NOP58: variants seen among roughly 807,000 people sequenced by gnomAD.
NOP58 encodes the protein NOP58 ribonucleoprotein, also known as nucleolar protein 58.
NOP58 carries 44 observed loss-of-function variants against 71.2 expected under a neutral mutation model. That is an observed-to-expected ratio of 0.62 (90% CI 0.49 to 0.79). The LOEUF (loss-of-function observed/expected upper bound fraction) is 0.79, where lower values mean the gene tolerates loss of function less well. NOP58 is among the 30% of genes least tolerant of loss of function. The probability of loss-of-function intolerance (pLI) is 0.00; values close to 1 mark genes in which losing one functional copy is unlikely to be tolerated. For synonymous variants in NOP58, 228 were observed against 200.3 expected (o/e 1.14, Z -1.17); for missense variants, 538 against 620.2 (o/e 0.87, Z 1.41).
intron 9 of NOP58, chr2:202,293,121 C>G: frequency 1.4e-6 from 1 of 721,124 alleles, no homozygotes; most frequent in Non-Finnish European, 2.6e-6. Flanking sequence ...TAGTCACTAC[C>G]TCTTCTGAGA....
At chr2:202,287,449 C>T (rs1688810867) in intron 5 of NOP58, among the ~76,000 whole-genome samples, 1 of 151,424 alleles carries the variant, frequency 6.6e-6, no homozygotes, top group Non-Finnish European at 1.5e-5. Context: ...AAGGTCGTAG[C>T]AGCACATATA....
intron 4 of NOP58, among the ~76,000 whole-genome samples, chr2:202,283,395 C>T (rs1688738143): frequency 6.6e-6 from 1 of 151,792 alleles, no homozygotes; most frequent in Non-Finnish European, 1.5e-5. Context: ...ACGCCCTGGC[C>T]TCCCAAAGTG....
chr2:202,299,860 T>C (rs73990245), intron 12 of NOP58: 24,653 of 149,502 alleles, frequency 0.16, 2,583 homozygotes, highest in African/African-American at 0.29. Flanking sequence ...TTTTTTTTTT[T>C]CCCCCATTGA....
chr2:202,284,279 TAATA>T, intron 4 of NOP58, 62 bp from the exon 5 acceptor site: 1 of 1,357,476 alleles, frequency 7.4e-7, no homozygotes, highest in East Asian at 2.5e-5. Flanking sequence ...TCTCAAAAAA[TAATA>T]ATAACAACTT....
chr2:202,267,799 G>A (rs1688442841), intron 1 of NOP58, among the ~76,000 whole-genome samples: 1 of 152,188 alleles, frequency 6.6e-6, no homozygotes, highest in Non-Finnish European at 1.5e-5. Context: ...ACTCAACCGT[G>A]TCTCGATGAA....
At chr2:202,281,166 C>T (rs1204072015) in intron 3 of NOP58, among the ~76,000 whole-genome samples, 19 of 145,716 alleles carry the variant, frequency 1.3e-4, no homozygotes, top group Non-Finnish European at 2.4e-4. Context: ...GAGTTTTGCT[C>T]TTGTCACTTA....
At chr2:202,302,621 A>G (rs1395458784) in intron 13 of NOP58, among the ~76,000 whole-genome samples, 2 of 152,182 alleles carry the variant, frequency 1.3e-5, no homozygotes, top group Non-Finnish European at 2.9e-5. Flanking sequence ...CAAGCTCTTA[A>G]CCATTTCTAA....
intron 1 of NOP58, among the ~76,000 whole-genome samples, chr2:202,268,207 C>T (rs1372482255): frequency 1.3e-5 from 2 of 152,058 alleles, no homozygotes; most frequent in Admixed American, 6.6e-5. Flanking sequence ...TATTAGTTTC[C>T]TTTCCCATAA....
In NOP58 at chr2:202,274,264, G is replaced by A. The variant is rs997997737; in HGVS notation, c.46-849G>A. On this transcript the variant is annotated intron_variant, in intron 1 of 14. Coordinates refer to ENST00000264279, the MANE Select transcript of NOP58 (RefSeq NM_015934.5). ...TTTTGAGATGGAGTTTTTTGCTCTT[G>A]TTGCCCAGGTTGGAGTGCAGTCGCG... 5.3e-5 allele frequency among the ~76,000 whole-genome samples: 8 copies of A among 151,986 alleles called. No homozygotes were observed. The East Asian group carries it at 1.4e-3, about 26-fold the overall frequency.
At chr2:202,299,834 T>C (rs1689060420) in intron 12 of NOP58, 1 of 154,000 alleles carries the variant, frequency 6.5e-6, no homozygotes, top group African/African-American at 2.4e-5. Flanking sequence ...TTTAGATTTT[T>C]TGTTCTGCTT....
At chr2:202,293,489 T>C (rs566492713) in intron 9 of NOP58, among the ~76,000 whole-genome samples, 47 of 152,370 alleles carry the variant, frequency 3.1e-4, no homozygotes, top group African/African-American at 1.1e-3. Context: ...TACAATGAAG[T>C]ACTGATTCAT....
At chr2:202,294,680 C>G (rs565797965) in intron 9 of NOP58, among the ~76,000 whole-genome samples, 1 of 152,096 alleles carries the variant, frequency 6.6e-6, no homozygotes, top group Admixed American at 6.6e-5. Context: ...ACTATGCCAG[C>G]AGGGCCGGGT....
intron 10 of NOP58, among the ~76,000 whole-genome samples, chr2:202,296,564 T>A (rs1482765842): frequency 6.6e-6 from 1 of 152,184 alleles, no homozygotes; most frequent in Admixed American, 6.5e-5. Context: ...AACTGAGGCT[T>A]AGACAAGTTA....
chr2:202,297,807 C>A, intron 11 of NOP58, 38 bp from the exon 12 acceptor site: 3 of 1,197,304 alleles, frequency 2.5e-6, no homozygotes, highest in Admixed American at 2.2e-5. Context: ...GAGATTATGA[C>A]TTAGAAGTGT....
In NOP58 at chr2:202,303,623, A is replaced by C; in HGVS notation, c.*187A>C. On this transcript the variant is annotated 3_prime_UTR_variant, in exon 15 of 15. Coordinates refer to ENST00000264279, the MANE Select transcript of NOP58 (RefSeq NM_015934.5). ...TTAACCTTATGTCATCATTTCTTAG[A>C]GTCTTTGATATACAAATAAAATTTT... is the stretch of plus-strand genomic sequence containing the variant. 1 of 577,094 alleles carries C rather than the reference A, an allele frequency of 1.7e-6. No individual in the cohort carries two copies. Among genetic ancestry groups the C allele is most frequent in the Admixed American group, 4.0e-5 (1 of 25,218 alleles). 35.7% of individuals were successfully genotyped at this position (577,094 alleles called of 1,614,324 possible).
At position 202,280,820 on chromosome 2, in the gene NOP58, G is replaced by A. The variant is rs950999617; in HGVS notation, c.176-1531G>A. On this transcript the variant is annotated intron_variant, in intron 3 of 14. Coordinates refer to ENST00000264279, the MANE Select transcript of NOP58 (RefSeq NM_015934.5). The stretch of plus-strand genomic sequence containing the variant: ...ATCTTCGGCTGGAGTACAGGGGCGC[G>A]ATCCCAGCTCACTGTAGTCTCTGCC... Among the ~76,000 whole-genome samples, 41 of 148,328 alleles carry A rather than the reference G, an allele frequency of 2.8e-4. No homozygotes were observed. The South Asian group carries it at 3.2e-3, about 12-fold the overall frequency.
chr2:202,283,328 C>T (rs757493490), intron 4 of NOP58, among the ~76,000 whole-genome samples: 1 of 151,958 alleles, frequency 6.6e-6, no homozygotes, highest in East Asian at 1.9e-4. Flanking sequence ...CTCCCGGGTT[C>T]AAGGGATTCC....
intron 1 of NOP58, among the ~76,000 whole-genome samples, chr2:202,274,761 CAAAA>C (rs1207627704): frequency 6.6e-6 from 1 of 151,704 alleles, no homozygotes; most frequent in Non-Finnish European, 1.5e-5. Context: ...GACTCCATCT[CAAAA>C]AAATAAAAAG....
At chr2:202,287,537 A>T in intron 5 of NOP58, 123 bp from the exon 6 acceptor site, 2 of 656,718 alleles carry the variant, frequency 3.0e-6, no homozygotes, top group South Asian at 3.9e-5. Flanking sequence ...TAGAAAAACC[A>T]ATTACAGCTC....
Sources: allele counts gnomAD v4.1 joint callset (sites outside exome capture counted in the v4.1 genomes callset), GRCh38; gene constraint gnomAD v4.1.1; transcripts MANE v1.5; gene names NCBI Gene and HGNC (gene_info 2026-07-23, HGNC 2026-07-21).